The following SLC35D2 variants were observed in gnomAD, a reference collection of about 807,000 sequenced individuals.
The protein encoded by SLC35D2 is solute carrier family 35 member D2.
In SLC35D2, 43 loss-of-function variants were observed where a neutral mutation model predicts 41.8. The observed-to-expected ratio is 1.03, with a 90% CI of 0.81 to 1.33. The LOEUF is 1.33. Ranked by LOEUF, SLC35D2 falls within the 40% of genes most tolerant of loss-of-function variation. The pLI, the probability that SLC35D2 is intolerant of heterozygous loss-of-function variation, is 0.00. For synonymous variants in SLC35D2, 150 were observed against 163.9 expected (o/e 0.92, Z 0.65); for missense variants, 380 against 408.4 (o/e 0.93, Z 0.60).
intron 1 of SLC35D2, among the ~76,000 whole-genome samples, chr9:96,371,636 T>A (rs1334483847): frequency 6.6e-6 from 1 of 150,916 alleles, no homozygotes; most frequent in Non-Finnish European, 1.5e-5. Context: ...AGTAAAGAAA[T>A]ATATATCTTT....
chr9:96,380,590 T>C (rs1258559172), intron 1 of SLC35D2, among the ~76,000 whole-genome samples: 2 of 151,954 alleles, frequency 1.3e-5, no homozygotes, highest in African/African-American at 4.8e-5. Flanking sequence ...CCCAAGTAGC[T>C]GGGATTATAG....
chr9:96,332,766 G>A (rs1185485817), intron 9 of SLC35D2, among the ~76,000 whole-genome samples: 1 of 151,700 alleles, frequency 6.6e-6, no homozygotes, highest in Non-Finnish European at 1.5e-5. Flanking sequence ...GTGACACAGC[G>A]AGACTCCATC....
chr9:96,370,304 C>A (rs532000340), intron 1 of SLC35D2, among the ~76,000 whole-genome samples: 1 of 152,260 alleles, frequency 6.6e-6, no homozygotes, highest in South Asian at 2.1e-4. Context: ...AGAATACAAC[C>A]TGTAACATGA....
At chr9:96,324,046 C>T in intron 10 of SLC35D2, 45 bp downstream of exon 10, 1 of 1,525,700 alleles carries the variant, frequency 6.6e-7, no homozygotes, top group Non-Finnish European at 9.1e-7. Flanking sequence ...TTTGGATTTC[C>T]ATTCCTTGAC....
intron 9 of SLC35D2, among the ~76,000 whole-genome samples, chr9:96,330,593 T>A (rs1263559313): frequency 1.3e-5 from 2 of 152,182 alleles, no homozygotes. Flanking sequence ...TTTCAACATT[T>A]GAGATTCTAC....
chr9:96,352,142 C>G lies in SLC35D2; in HGVS notation c.348-33G>C, dbSNP rs1829838081. The G allele has an allele frequency of 4.0e-6, 6 of 1,496,716 alleles. No individual in the cohort carries two copies. The African/African-American group carries it at 4.1e-5, about 10-fold the overall frequency. 92.7% of individuals were successfully genotyped at this position (1,496,716 alleles called of 1,614,324 possible). A position where few individuals can be genotyped will look rare whatever the true frequency, so the allele number is the denominator to read the frequency against. On this transcript the variant is annotated intron_variant, in intron 4 of 11. Coordinates refer to ENST00000253270, the MANE Select transcript of SLC35D2 (RefSeq NM_007001.3). ...GAAAAGAGTGAAGCATGTCAGACAC[C>G]AAGGGTTGGTTGATTGGTTTTATCT...
intron 1 of SLC35D2, among the ~76,000 whole-genome samples, chr9:96,370,372 C>T (rs571643414): frequency 7.2e-5 from 11 of 152,254 alleles, no homozygotes; most frequent in Middle Eastern, 3.4e-3. Context: ...AAAAGGGTCA[C>T]CCGGCTAGGA....
intron 4 of SLC35D2, among the ~76,000 whole-genome samples, chr9:96,355,069 G>C (rs952520399): frequency 6.6e-6 from 1 of 151,180 alleles, no homozygotes; most frequent in East Asian, 2.0e-4. Flanking sequence ...GCCCAGGCTG[G>C]AGTGCAGTGG....
intron 7 of SLC35D2, among the ~76,000 whole-genome samples, chr9:96,344,606 A>C (rs1005970507): frequency 3.4e-5 from 5 of 146,560 alleles, no homozygotes; most frequent in Non-Finnish European, 6.0e-5. Flanking sequence ...AAAATAGCTC[A>C]TGGAAATAAG....
Position 96,383,430 on chromosome 9 carries a change from G to T in SLC35D2, c.158+47C>A, listed in dbSNP as rs570164912. 3.4e-6 allele frequency: 5 copies of T among 1,458,000 alleles called. No individual in the cohort carries two copies. The South Asian group carries it at 4.9e-5, about 14-fold the overall frequency. The allele number at this position is 1,458,000 out of a possible 1,614,324, so 90.3% of individuals were successfully genotyped here. On this transcript the variant is annotated intron_variant, in intron 1 of 11. Coordinates refer to ENST00000253270, the MANE Select transcript of SLC35D2 (RefSeq NM_007001.3). ...CCGCTGAAGCGCACGGAGGACAGGG[G>T]CAGCCCCGCACTCCCGCAGACCCCC...
At chr9:96,330,904 TTTTA>T (rs572037042) in intron 9 of SLC35D2, among the ~76,000 whole-genome samples, 5 of 146,842 alleles carry the variant, frequency 3.4e-5, no homozygotes, top group African/African-American at 9.8e-5. Context: ...TTCACCCTGA[TTTTA>T]TTTATTTATT....
downstream of SLC35D2, among the ~76,000 whole-genome samples, chr9:96,316,490 AAC>A (rs1491082729): frequency 8.6e-6 from 1 of 116,198 alleles, no homozygotes; most frequent in African/African-American, 3.0e-5. Context: ...ATCTCAAAAA[AAC>A]AAAAAAAAAA....
downstream of SLC35D2, among the ~76,000 whole-genome samples, chr9:96,318,357 C>T (rs2130817845): frequency 6.6e-6 from 1 of 151,652 alleles, no homozygotes; most frequent in African/African-American, 2.4e-5. Context: ...CCTCGGGAGG[C>T]TGAGGTGGGA....
chr9:96,374,706 C>G (rs1830864345), intron 1 of SLC35D2, among the ~76,000 whole-genome samples: 1 of 150,854 alleles, frequency 6.6e-6, no homozygotes, highest in Non-Finnish European at 1.5e-5. Context: ...AGCGTGGTGG[C>G]AGGCGCCTGT....
At chr9:96,355,026 C>T (rs1019310409) in intron 4 of SLC35D2, among the ~76,000 whole-genome samples, 1 of 150,018 alleles carries the variant, frequency 6.7e-6, no homozygotes, top group African/African-American at 2.4e-5. Context: ...AGCAAGACCC[C>T]GTCTCTACTT....
At chr9:96,355,169 T>C (rs1308607827) in intron 4 of SLC35D2, among the ~76,000 whole-genome samples, 6 of 151,622 alleles carry the variant, frequency 4.0e-5, no homozygotes, top group South Asian at 2.1e-4. Flanking sequence ...AGGTGTGCAC[T>C]ACCATGCCTG....
intron 2 of SLC35D2, among the ~76,000 whole-genome samples, chr9:96,364,753 G>A (rs960041490): frequency 7.9e-5 from 12 of 151,868 alleles, no homozygotes; most frequent in African/African-American, 2.9e-4. Context: ...AGAACTCCAG[G>A]CAAAAAACGT....
chr9:96,379,002 C>A (rs1024228065), intron 1 of SLC35D2, among the ~76,000 whole-genome samples: 1 of 151,822 alleles, frequency 6.6e-6, no homozygotes, highest in Non-Finnish European at 1.5e-5. Context: ...CCCAAAGGAC[C>A]AAGAGTATAA....
rs1828216961 is a variant in SLC35D2 at position 96,321,359 on chromosome 9, A to G, written c.915-18T>C. 2.5e-6 allele frequency: 4 copies of G among 1,589,298 alleles called. No individual in the cohort carries two copies. Among genetic ancestry groups the G allele is most frequent in the Non-Finnish European group, 3.5e-6 (4 of 1,159,216 alleles). On this transcript the variant is annotated intron_variant, in intron 11 of 11. Transcript: ENST00000253270. Reference sequence around the variant, plus strand: ...CTGCCATGCTGAAAGGAGAAAAAAAAGTGAAAATAAATGACTGGGAATTTC... The same window carrying G: ...CTGCCATGCTGAAAGGAGAAAAAAAGGTGAAAATAAATGACTGGGAATTTC...
Sources: allele counts gnomAD v4.1 joint callset (sites outside exome capture counted in the v4.1 genomes callset), GRCh38; gene constraint gnomAD v4.1.1; transcripts MANE v1.5; gene names NCBI Gene and HGNC (gene_info 2026-07-23, HGNC 2026-07-21).